Variants in SLC13A4 observed in about 807,000 individuals in gnomAD.
SLC13A4 encodes Na(+)/sulfate cotransporter SUT-1.
SLC13A4 carries 28 observed loss-of-function variants against 72.7 expected under a neutral mutation model. The ratio of observed to expected loss-of-function variants is 0.39; its 90% confidence interval spans 0.29 to 0.53. The LOEUF (loss-of-function observed/expected upper bound fraction) is 0.53. Ranked by LOEUF, SLC13A4 falls within the 20% of genes least tolerant of loss-of-function variation. SLC13A4 has a pLI of 0.78. For missense variants in SLC13A4, 653 were observed against 788.0 expected (o/e 0.83, Z 2.05); for synonymous variants, 312 against 325.5 (o/e 0.96, Z 0.45).
chr7:135,700,746 G>A (rs1796014961), intron 7 of SLC13A4, among the ~76,000 whole-genome samples: 1 of 152,176 alleles, frequency 6.6e-6, no homozygotes. Flanking sequence ...CTGGGCTCAA[G>A]TGATCCTCCT....
At chr7:135,718,242 C>T (rs1038938196) in intron 2 of SLC13A4, among the ~76,000 whole-genome samples, 8 of 151,680 alleles carry the variant, frequency 5.3e-5, no homozygotes, top group African/African-American at 1.5e-4. Flanking sequence ...CCTCAGGGTA[C>T]CCATATCATC....
chr7:135,695,352 G>C lies in SLC13A4; in HGVS notation c.1019+16C>G, dbSNP rs748378540. 6.2e-7 allele frequency: 1 copy of C among 1,613,568 alleles called. No homozygotes were observed. The highest frequency in any genetic ancestry group is 8.5e-7 in the Non-Finnish European group (1 of 1,179,778). ...GGGGGGCTTCAGTGCTTTGCTGAAA[G>C]GGCCCTGGAACTCACTTGCAGCCCA... is the stretch of plus-strand genomic sequence containing the variant. On this transcript the variant is annotated intron_variant, in intron 9 of 15. Coordinates refer to ENST00000682651, the MANE Select transcript of SLC13A4 (RefSeq NM_001318192.2).
chr7:135,694,199 G>T lies in SLC13A4; in HGVS notation c.1059C>A (p.Thr353=). ...TCTTCTCTGACAACTGTTCCCTTTT[G>T]GTCTTCTTCTTCTTGCTCAGAGAGC... ...ETCSLSKKKK[T]KREQLSEKRI... Residue 353 remains threonine (T), a synonymous_variant, in exon 10 of 16, where the codon ACC becomes ACA. Transcript: ENST00000682651. 1.2e-6 allele frequency: 2 copies of T among 1,612,998 alleles called. No individual in the cohort carries two copies. The highest frequency in any genetic ancestry group is 1.7e-6 in the Non-Finnish European group (2 of 1,179,186).
intron 2 of SLC13A4, among the ~76,000 whole-genome samples, chr7:135,720,280 C>T (rs1278307434): frequency 1.3e-5 from 2 of 152,104 alleles, no homozygotes; most frequent in Non-Finnish European, 2.9e-5. Context: ...CAAGTGTATA[C>T]ACTTTGAATT....
intron 13 of SLC13A4, among the ~76,000 whole-genome samples, chr7:135,686,349 C>G (rs73160713): frequency 0.12 from 18,699 of 152,084 alleles, 1,332 homozygotes; most frequent in Non-Finnish European, 0.15. Flanking sequence ...TCATGGCTGA[C>G]ATTAGTTCTA....
intron 2 of SLC13A4, among the ~76,000 whole-genome samples, chr7:135,715,411 GTGTGTA>G (rs1323149610): frequency 3.1e-5 from 3 of 96,378 alleles, no homozygotes; most frequent in African/African-American, 1.3e-4. Flanking sequence ...GTGTATGAGT[GTGTGTA>G]TGAGTGTGTG....
intron 14 of SLC13A4, 59 bp from the exon 15 acceptor site, chr7:135,684,320 AT>A: frequency 6.5e-7 from 1 of 1,534,032 alleles, no homozygotes; most frequent in Non-Finnish European, 8.8e-7. Context: ...CCTGTGCTTA[AT>A]GTCAGGAGCA....
chr7:135,684,340 T>C, intron 14 of SLC13A4, 79 bp from the exon 15 acceptor site: 1 of 1,501,028 alleles, frequency 6.7e-7, no homozygotes. Context: ...CATGCTTTAA[T>C]GATGACTTGG....
At chr7:135,717,036 C>T (rs1040496071) in intron 2 of SLC13A4, among the ~76,000 whole-genome samples, 9 of 152,238 alleles carry the variant, frequency 5.9e-5, no homozygotes, top group African/African-American at 2.2e-4. Context: ...CCGCATGTCT[C>T]ATTCTGCCAC....
chr7:135,715,289 G>A (rs1796398256), intron 2 of SLC13A4, among the ~76,000 whole-genome samples: 1 of 149,322 alleles, frequency 6.7e-6, no homozygotes, highest in African/African-American at 2.5e-5. Flanking sequence ...ATGAGTGTGT[G>A]TGAGTGTACG....
rs549833460 is a variant in SLC13A4 at position 135,717,375 on chromosome 7, C to A, written c.228+4020G>T. On this transcript the variant is annotated intron_variant, in intron 2 of 15. Coordinates refer to ENST00000682651, the MANE Select transcript of SLC13A4 (RefSeq NM_001318192.2). ...TAAAACCCATTAGAAAGACTGTAATCAAAAATTAGTCAACATGAAGTTTGG... is the reference window on the plus strand; with the variant it reads ...TAAAACCCATTAGAAAGACTGTAATAAAAAATTAGTCAACATGAAGTTTGG... 1.5e-3 allele frequency among the ~76,000 whole-genome samples: 222 copies of A among 152,288 alleles called. 1 individual carries two copies. Among genetic ancestry groups the A allele is most frequent in the Non-Finnish European group, 2.7e-3 (183 of 68,020 alleles).
chr7:135,727,648 G>T lies in SLC13A4; in HGVS notation c.-152C>A. ...GTCTTGGGGGCAGAACGGGAGGGCA[G>T]TTATACCCTCGCTGTTTCTACAAGA... is the stretch of plus-strand genomic sequence containing the variant. On this transcript the variant is annotated 5_prime_UTR_variant, in exon 1 of 16. In the 5' UTR this introduces an upstream ATG that the reference lacks. Coordinates refer to ENST00000682651, the MANE Select transcript of SLC13A4 (RefSeq NM_001318192.2). The T allele has an allele frequency of 1.1e-6, 1 of 897,010 alleles. No homozygotes were observed. The highest frequency in any genetic ancestry group is 1.6e-6 in the Non-Finnish European group (1 of 617,930). 55.6% of individuals were successfully genotyped at this position (897,010 alleles called of 1,614,324 possible).
intron 13 of SLC13A4, among the ~76,000 whole-genome samples, chr7:135,688,125 G>A (rs550369026): frequency 6.6e-6 from 1 of 152,052 alleles, no homozygotes; most frequent in South Asian, 2.1e-4. Flanking sequence ...ACAGGCGCGT[G>A]CCACCACACC....
chr7:135,723,765 C>T (rs942380058), intron 1 of SLC13A4, among the ~76,000 whole-genome samples: 13 of 152,054 alleles, frequency 8.5e-5, no homozygotes, highest in African/African-American at 2.9e-4. Context: ...TCCTGACATT[C>T]GTGGATTATG....
At chr7:135,709,426 A>T (rs77181430) in intron 2 of SLC13A4, among the ~76,000 whole-genome samples, 5,907 of 29,308 alleles carry the variant, frequency 0.2, 412 homozygotes, top group African/African-American at 0.44. Flanking sequence ...TTTTTTTTTT[A>T]AAAAAAAATT....
intron 1 of SLC13A4, among the ~76,000 whole-genome samples, chr7:135,725,267 C>T (rs933441315): frequency 2.0e-5 from 3 of 152,196 alleles, no homozygotes; most frequent in Admixed American, 6.5e-5. Context: ...CGCAGTTTGA[C>T]CACCCCAGTG....
chr7:135,721,365 G>GGCCCT, intron 2 of SLC13A4, 30 bp downstream of exon 2: 1 of 1,612,424 alleles, frequency 6.2e-7, no homozygotes, highest in Non-Finnish European at 8.5e-7. Flanking sequence ...CAGGGACCCA[G>GGCCCT]GCAGGGGGTG....
At chr7:135,690,000 T>G (rs1412296781) in intron 13 of SLC13A4, among the ~76,000 whole-genome samples, 1 of 151,588 alleles carries the variant, frequency 6.6e-6, no homozygotes, top group Non-Finnish European at 1.5e-5. Context: ...GCCAACATGG[T>G]GAAACTCCAT....
intron 3 of SLC13A4, among the ~76,000 whole-genome samples, chr7:135,706,706 G>A (rs1323532438): frequency 1.3e-5 from 2 of 152,200 alleles, no homozygotes; most frequent in African/African-American, 4.8e-5. Flanking sequence ...AATTCTGTGA[G>A]CGCCACGGCA....
Sources: gnomAD v4.1 joint callset for allele counts (sites outside exome capture counted in the v4.1 genomes callset) on GRCh38, gnomAD v4.1.1 for gene constraint, MANE v1.5 for transcripts, NCBI Gene and HGNC (gene_info 2026-07-23, HGNC 2026-07-21) for gene names.